Variants in PNPT1 observed in about 807,000 individuals in gnomAD.
PNPT1 encodes the protein polyribonucleotide nucleotidyltransferase 1, mitochondrial.
PNPT1 carries 53 observed loss-of-function variants against 119.5 expected under a neutral mutation model. The ratio of observed to expected loss-of-function variants is 0.44; its 90% CI spans 0.36 to 0.56. PNPT1 has a LOEUF of 0.56. PNPT1 is among the 20% of genes least tolerant of loss of function. PNPT1 has a pLI of 0.00. For synonymous variants in PNPT1, 357 were observed against 322.1 expected (o/e 1.11, Z -1.16); for missense variants, 948 against 938.5 (o/e 1.01, Z -0.13).
At chr2:55,693,017 T>G (rs969389377) in intron 1 of PNPT1, among the ~76,000 whole-genome samples, 2 of 152,202 alleles carry the variant, frequency 1.3e-5, no homozygotes, top group African/African-American at 4.8e-5. Flanking sequence ...TTTTGCTGTC[T>G]CTTTCTGATG....
At chr2:55,660,129 A>C (rs758312731) in intron 15 of PNPT1, 28 bp downstream of exon 15, 2 of 1,554,530 alleles carry the variant, frequency 1.3e-6, no homozygotes, top group Non-Finnish European at 1.7e-6. Flanking sequence ...TTTATTAATA[A>C]AATTTTGAGG....
At chr2:55,674,708 C>A (rs1397647150) in intron 8 of PNPT1, among the ~76,000 whole-genome samples, 2 of 152,166 alleles carry the variant, frequency 1.3e-5, no homozygotes, top group African/African-American at 2.4e-5. Flanking sequence ...AAAATTGTAA[C>A]ACTGCCTGAT....
chr2:55,686,059 CAG>C (rs1308296206), intron 3 of PNPT1, among the ~76,000 whole-genome samples: 1 of 152,152 alleles, frequency 6.6e-6, no homozygotes, highest in African/African-American at 2.4e-5. Context: ...ACTGTACTTG[CAG>C]AGTCATACTG....
chr2:55,643,105 C>A (rs1695883926), intron 25 of PNPT1, 53 bp downstream of exon 25: 1 of 1,586,074 alleles, frequency 6.3e-7, no homozygotes, highest in South Asian at 1.1e-5. Flanking sequence ...CAGGGTGAGA[C>A]CCTGTCTCTA....
intron 22 of PNPT1, 57 bp downstream of exon 22, chr2:55,645,292 G>C: frequency 8.2e-7 from 1 of 1,222,818 alleles, no homozygotes. Flanking sequence ...CCAAAGTGCT[G>C]GGATTACAGG....
At position 55,689,268 on chromosome 2, in the gene PNPT1, T is replaced by C. The variant is rs13423498; in HGVS notation, c.162-1563A>G. Among the ~76,000 whole-genome samples, 317 of 152,286 alleles carry C rather than the reference T, an allele frequency of 2.1e-3. 5 individuals are homozygous for C. Among genetic ancestry groups the C allele is most frequent in the African/African-American group, 6.8e-3 (284 of 41,576 alleles). ...ATAAAGACAACTGAATTTTAAAACT[T>C]GGCAAAGGATTTGAATAGCCATGTC... On this transcript the variant is annotated intron_variant, in intron 1 of 27. Transcript: ENST00000447944.
At chr2:55,674,208 T>C (rs545866556) in intron 8 of PNPT1, among the ~76,000 whole-genome samples, 1 of 152,256 alleles carries the variant, frequency 6.6e-6, no homozygotes, top group South Asian at 2.1e-4. Context: ...GCATTAGAAA[T>C]AGCTAAAGGA....
At chr2:55,679,642 AG>A in intron 8 of PNPT1, 39 bp downstream of exon 8, 1 of 1,378,462 alleles carries the variant, frequency 7.3e-7, no homozygotes, top group Non-Finnish European at 1.0e-6. Context: ...AGAACTTGTA[AG>A]TAAAATCCAG....
intron 1 of PNPT1, among the ~76,000 whole-genome samples, chr2:55,688,889 G>A (rs929387884): frequency 6.6e-6 from 1 of 152,192 alleles, no homozygotes; most frequent in Non-Finnish European, 1.5e-5. Flanking sequence ...TGAGGAAAGA[G>A]TAGCCTTTTG....
intron 14 of PNPT1, among the ~76,000 whole-genome samples, 164 bp from the exon 15 acceptor site, chr2:55,660,357 AGAT>A (rs1229261710): frequency 1.3e-5 from 2 of 152,220 alleles, no homozygotes; most frequent in African/African-American, 4.8e-5. Flanking sequence ...GATGATTGTG[AGAT>A]GATATTTTCT....
intron 18 of PNPT1, among the ~76,000 whole-genome samples, chr2:55,649,979 G>T (rs969182516): frequency 6.6e-6 from 1 of 152,158 alleles, no homozygotes; most frequent in Non-Finnish European, 1.5e-5. Context: ...ACTCCTTAGC[G>T]TAACAATAAC....
At chr2:55,663,835 T>C (rs1386827530) in intron 13 of PNPT1, among the ~76,000 whole-genome samples, 1 of 151,478 alleles carries the variant, frequency 6.6e-6, no homozygotes, top group East Asian at 1.9e-4. Flanking sequence ...AAAAAAAAAT[T>C]AGCCGGGCGT....
intron 17 of PNPT1, among the ~76,000 whole-genome samples, chr2:55,655,570 T>C (rs1437332605): frequency 4.6e-5 from 7 of 152,258 alleles, no homozygotes; most frequent in Admixed American, 4.6e-4. Context: ...TCACACCCAG[T>C]AGAGAACCAC....
chr2:55,657,225 A>T (rs1356145358), intron 15 of PNPT1, among the ~76,000 whole-genome samples: 2 of 151,688 alleles, frequency 1.3e-5, no homozygotes, highest in East Asian at 3.9e-4. Flanking sequence ...GCTACTCATG[A>T]GGCTGAGGCA....
chr2:55,665,228 G>A (rs1239144130), intron 13 of PNPT1, among the ~76,000 whole-genome samples: 1 of 152,124 alleles, frequency 6.6e-6, no homozygotes, highest in Non-Finnish European at 1.5e-5. Context: ...TGTATAATTG[G>A]CTCACTATGG....
intron 26 of PNPT1, among the ~76,000 whole-genome samples, chr2:55,639,460 C>T (rs1271418976): frequency 6.6e-6 from 1 of 152,176 alleles, no homozygotes; most frequent in African/African-American, 2.4e-5. Context: ...TCCATCTTTT[C>T]TCTTATACAC....
rs1475882945 is a variant in PNPT1 at position 55,679,743 on chromosome 2, T to C, written c.618A>G (p.Arg206=). ...IDGEYVVNPT[R]KEMSSSTLNL... ...TTAAAGTACTAGAAGACATTTCTTT[T>C]CTTGTTGGGTTAACAACATATTCTC... Residue 206 remains arginine, a synonymous_variant, in exon 8 of 28, where the codon AGA becomes AGG. Coordinates refer to ENST00000447944, the MANE Select transcript of PNPT1 (RefSeq NM_033109.5). 1 of 1,612,600 alleles carries C rather than the reference T, an allele frequency of 6.2e-7. No individual in the cohort carries two copies. The highest frequency in any genetic ancestry group is 1.3e-5 in the African/African-American group (1 of 74,902).
Position 55,646,394 on chromosome 2 carries a change from C to G in PNPT1, c.1674+21G>C, listed in dbSNP as rs757244197. 2.8e-5 allele frequency: 45 copies of G among 1,608,334 alleles called. No homozygotes were observed. In the African/African-American group the frequency reaches 5.8e-4, roughly 21 times the overall value. On this transcript the variant is annotated intron_variant, in intron 20 of 27. Transcript: ENST00000447944. The stretch of plus-strand genomic sequence containing the variant: ...TTATTTAAATGTTACAAAAATGAAA[C>G]AAAATGGGTTTTAAAAATACCTGTA...
intron 14 of PNPT1, among the ~76,000 whole-genome samples, chr2:55,661,379 G>A (rs1276074637): frequency 6.6e-6 from 1 of 151,984 alleles, no homozygotes; most frequent in East Asian, 1.9e-4. Flanking sequence ...CCAGGCGTGA[G>A]CCACCACGCC....
Sources: gnomAD v4.1 joint callset for allele counts (sites outside exome capture counted in the v4.1 genomes callset) on GRCh38, gnomAD v4.1.1 for gene constraint, MANE v1.5 for transcripts, NCBI Gene and HGNC (gene_info 2026-07-23, HGNC 2026-07-21) for gene names.